Variants in SPINK14 observed in about 807,000 individuals in gnomAD.
SPINK14 encodes the protein serine peptidase inhibitor Kazal type 14 (putative), also known as serine protease inhibitor Kazal-type 14.
A neutral mutation model predicts 14.2 loss-of-function variants in SPINK14; 6 were observed. The ratio of observed to expected loss-of-function variants is 0.42; its 90% CI spans 0.23 to 0.83. SPINK14 has a LOEUF of 0.83. Ranked by LOEUF, SPINK14 falls within the 40% of genes least tolerant of loss-of-function variation. The pLI is 0.28. For synonymous variants in SPINK14, 34 were observed against 36.8 expected, an observed-to-expected ratio of 0.92 and a Z score of 0.27; for missense variants, 86 against 108.3, an observed-to-expected ratio of 0.79 and a Z score of 0.91.
rs1398091013 is a variant in SPINK14, at chr5:148,175,487, TTTG to T, written c.*92_*94del. 11 of 976,154 alleles carry T rather than the reference TTTG, an allele frequency of 1.1e-5. No homozygotes were observed. The highest frequency in any genetic ancestry group is 8.0e-6 in the Non-Finnish European group (5 of 628,080). The allele number at this position is 976,154 out of a possible 1,614,324, so 60.5% of individuals were successfully genotyped here. A position where few individuals can be genotyped will look rare whatever the true frequency, so the allele number is the denominator to read the frequency against. ...CTTGCGCTTTTTACATCTCCTTGCA[TTTG>T]TTCTTCATGACAAAGAGCTATCACT... On this transcript the variant is annotated 3_prime_UTR_variant, in exon 5 of 5. Coordinates refer to ENST00000356972, the MANE Select transcript of SPINK14 (RefSeq NM_001001325.2).
Position 148,174,400 on chromosome 5 carries a change from C to T in SPINK14, c.248+30C>T. ...GTACTATTTGGGGAAAAGAGGGGAA[C>T]TGTAAGTATGGTTATCCACAGCAAT... On this transcript the variant is annotated intron_variant, in intron 4 of 4. Transcript: ENST00000356972. The T allele has an allele frequency of 1.9e-6, 2 of 1,076,372 alleles. 1 individual carries two copies. Among genetic ancestry groups the T allele is most frequent in the Non-Finnish European group, 2.6e-6 (2 of 779,768 alleles). The allele number at this position is 1,076,372 out of a possible 1,614,324, so 66.7% of individuals were successfully genotyped here.
chr5:148,172,987 G>T (rs765258337), intron 3 of SPINK14, among the ~76,000 whole-genome samples: 3 of 151,954 alleles, frequency 2.0e-5, no homozygotes, highest in Non-Finnish European at 4.4e-5. Context: ...GTGCAATGAG[G>T]TTCGACGAAA....
intron 4 of SPINK14, 67 bp from the exon 5 acceptor site, chr5:148,175,286 T>A (rs1356184192): frequency 9.7e-7 from 1 of 1,030,400 alleles, no homozygotes; most frequent in East Asian, 2.6e-5. Flanking sequence ...TAGATAATTT[T>A]AAAAGTATTT....
intron 3 of SPINK14, 83 bp downstream of exon 3, chr5:148,171,056 A>C (rs756626718): frequency 3.9e-5 from 52 of 1,333,312 alleles, no homozygotes; most frequent in Admixed American, 1.7e-4. Flanking sequence ...TGGAAACTTA[A>C]TGCCTCAAGG....
chr5:148,171,764 C>A (rs1755108331), intron 3 of SPINK14, among the ~76,000 whole-genome samples: 2 of 151,908 alleles, frequency 1.3e-5, no homozygotes, highest in Non-Finnish European at 1.5e-5. Flanking sequence ...TTCAAGAGAC[C>A]CGGGGACCAG....
At chr5:148,170,795 A>G (rs1169299145) in intron 2 of SPINK14, 135 bp from the exon 3 acceptor site, 3 of 746,670 alleles carry the variant, frequency 4.0e-6, no homozygotes, top group Non-Finnish European at 6.9e-6. Flanking sequence ...GAATGAATAC[A>G]TGTATAAATG....
At position 148,174,267 on chromosome 5, in the gene SPINK14, T is replaced by C; in HGVS notation, c.145T>C (p.Trp49Arg). The C allele has an allele frequency of 9.0e-7, 1 of 1,114,502 alleles. No homozygotes were observed. The highest frequency in any genetic ancestry group is 1.2e-6 in the Non-Finnish European group (1 of 811,150). 69.0% of individuals were successfully genotyped at this position (1,114,502 alleles called of 1,614,324 possible). A position where few individuals can be genotyped will look rare whatever the true frequency, so the allele number is the denominator to read the frequency against. The change falls in exon 4 of 5, where the codon TGG becomes CGG. Residue 49 changes from tryptophan (W) to arginine (R), a missense_variant. Trp to Arg is a moderately radical substitution (Grantham distance 101). Transcript: ENST00000356972. ...TCCATATGAGAAAGTAAACTTGAGC[T>C]GGTACAATGGAACGGTCAACCCCTG... ...KCPYEKVNLS[W>R]YNGTVNPCPG...
chr5:148,169,566 C>G (rs1755073289), intron 1 of SPINK14, among the ~76,000 whole-genome samples, 95 bp from the exon 2 acceptor site: 1 of 152,086 alleles, frequency 6.6e-6, no homozygotes, highest in Admixed American at 6.6e-5. Context: ...ATGGAATAGG[C>G]TTTCCAAATA....
chr5:148,175,372 A>G lies in SPINK14; in HGVS notation c.268A>G (p.Arg90Gly). 6.2e-7 allele frequency: 1 copy of G among 1,604,292 alleles called. No individual in the cohort carries two copies. Among genetic ancestry groups the G allele is most frequent in the South Asian group, 1.1e-5 (1 of 89,980 alleles). The change falls in exon 5 of 5, where the codon AGG becomes GGG. Residue 90 changes from arginine (R) to glycine (G), a missense_variant. Coordinates refer to ENST00000356972, the MANE Select transcript of SPINK14 (RefSeq NM_001001325.2). ...VESLKSHGRIRFYHDGKC is the reference protein window; with the variant it reads ...VESLKSHGRIGFYHDGKC Reference sequence around the variant, plus strand: ...CTTTAGGAAATCTCATGGAAGAATCAGGTTTTACCATGATGGAAAATGTTA... The same window carrying G: ...CTTTAGGAAATCTCATGGAAGAATCGGGTTTTACCATGATGGAAAATGTTA...
chr5:148,173,063 G>A (rs1005675185), intron 3 of SPINK14, among the ~76,000 whole-genome samples: 10 of 152,004 alleles, frequency 6.6e-5, no homozygotes, highest in African/African-American at 2.4e-4. Flanking sequence ...AGGAAATAAG[G>A]AATAAAGGAA....
intron 1 of SPINK14, among the ~76,000 whole-genome samples, chr5:148,168,785 G>C (rs6895745): frequency 0.59 from 89,800 of 151,872 alleles, 27,378 homozygotes; most frequent in African/African-American, 0.73. Flanking sequence ...CAAAGAACTT[G>C]CAATCATCCT....
intron 1 of SPINK14, among the ~76,000 whole-genome samples, chr5:148,169,208 A>T (rs908018565): frequency 6.6e-6 from 1 of 152,172 alleles, no homozygotes; most frequent in Non-Finnish European, 1.5e-5. Flanking sequence ...ATAGACAAGC[A>T]TGCCTGAATC....
intron 3 of SPINK14, among the ~76,000 whole-genome samples, chr5:148,172,938 G>A (rs977970075): frequency 2.6e-5 from 4 of 152,072 alleles, no homozygotes; most frequent in Admixed American, 2.6e-4. Context: ...AGGTCACATA[G>A]GGACTTTTAG....
intron 4 of SPINK14, among the ~76,000 whole-genome samples, chr5:148,174,738 G>A (rs1350285600): frequency 6.6e-6 from 1 of 152,014 alleles, no homozygotes; most frequent in Non-Finnish European, 1.5e-5. Context: ...CCCCTTATGT[G>A]TTTGAAACTC....
Position 148,170,173 on chromosome 5 carries a change from TACAC to T in SPINK14, c.67+394_67+397del, listed in dbSNP as rs376416343. 2.2e-4 allele frequency among the ~76,000 whole-genome samples: 30 copies of T among 133,852 alleles called. 3 individuals carry two copies. Among genetic ancestry groups the T allele is most frequent in the East Asian group, 8.6e-4 (4 of 4,626 alleles). 87.8% of individuals were successfully genotyped at this position (133,852 alleles called of 152,430 possible). On this transcript the variant is annotated intron_variant, in intron 2 of 4. Coordinates refer to ENST00000356972, the MANE Select transcript of SPINK14 (RefSeq NM_001001325.2). The stretch of plus-strand genomic sequence containing the variant: ...CATACTCAGAGTATATATATATATA[TACAC>T]ACACACACACACACACACATACATA...
intron 4 of SPINK14, 48 bp from the exon 5 acceptor site, chr5:148,175,305 C>T (rs1425436656): frequency 1.7e-6 from 2 of 1,180,556 alleles, no homozygotes; most frequent in African/African-American, 1.5e-5. Context: ...TTGTTTAGTT[C>T]TGACATTGTA....
chr5:148,172,175 G>A (rs1313105334), intron 3 of SPINK14, among the ~76,000 whole-genome samples: 1 of 152,100 alleles, frequency 6.6e-6, no homozygotes, highest in African/African-American at 2.4e-5. Context: ...ATGGGTTCAG[G>A]CAAGGTTTGT....
At chr5:148,170,070 C>CACATAT (rs1356775262) in intron 2 of SPINK14, among the ~76,000 whole-genome samples, 1 of 133,848 alleles carries the variant, frequency 7.5e-6, no homozygotes, top group African/African-American at 2.8e-5. Flanking sequence ...TGTATATACA[C>CACATAT]ACATATACAT....
At chr5:148,171,057 T>C (rs1755098728) in intron 3 of SPINK14, 84 bp downstream of exon 3, 2 of 1,294,336 alleles carry the variant, frequency 1.5e-6, no homozygotes, top group Admixed American at 1.8e-5. Context: ...GGAAACTTAA[T>C]GCCTCAAGGT....
Sources: gnomAD v4.1 joint callset for allele counts (sites outside exome capture counted in the v4.1 genomes callset) on GRCh38, gnomAD v4.1.1 for gene constraint, MANE v1.5 for transcripts, NCBI Gene and HGNC (gene_info 2026-07-23, HGNC 2026-07-21) for gene names.